NCAM2: variants seen among roughly 807,000 people sequenced by gnomAD.
NCAM2 encodes N-CAM-2.
In NCAM2, 30 loss-of-function variants were observed where a neutral mutation model predicts 98.1. The ratio of observed to expected loss-of-function variants is 0.31; its 90% confidence interval spans 0.23 to 0.41. The LOEUF (loss-of-function observed/expected upper bound fraction) is 0.41. Ranked by LOEUF, NCAM2 falls within the 10% of genes least tolerant of loss-of-function variation. The pLI is 1.00. For missense variants in NCAM2, 867 were observed against 1,005.8 expected (o/e 0.86, Z 1.87); for synonymous variants, 368 against 342.4 (o/e 1.07, Z -0.83).
chr21:21,322,652 A>G (rs184013022), intron 5 of NCAM2, among the ~76,000 whole-genome samples: 3 of 152,236 alleles, frequency 2.0e-5, no homozygotes, highest in African/African-American at 7.2e-5. Context: ...AATAAATTTG[A>G]AGGAATTAGT....
intron 9 of NCAM2, among the ~76,000 whole-genome samples, chr21:21,391,651 T>C (rs1480208391): frequency 6.6e-6 from 1 of 152,188 alleles, no homozygotes; most frequent in Admixed American, 6.5e-5. Context: ...TAACATGTCT[T>C]CTCTCTGCTT....
intron 1 of NCAM2, among the ~76,000 whole-genome samples, chr21:21,236,746 A>G (rs1295331317): frequency 1.0e-5 from 1 of 100,382 alleles, no homozygotes; most frequent in Non-Finnish European, 2.1e-5. Context: ...TCTCAGAGAA[A>G]TCAGTACATA....
chr21:21,116,059 G>A lies in NCAM2; in HGVS notation c.55+117441G>A, dbSNP rs180677265. ...TGTGTGTGTGTGTCTTTCATGAGAA[G>A]GGTTTTTTCTAAGTCACCTTGTTTG... is the stretch of plus-strand genomic sequence containing the variant. On this transcript the variant is annotated intron_variant, in intron 1 of 17. Transcript: ENST00000400546. Among the ~76,000 whole-genome samples, 241 of 149,908 alleles carry A rather than the reference G, an allele frequency of 1.6e-3. 2 individuals are homozygous for A. Among genetic ancestry groups the A allele is most frequent in the South Asian group, 8.6e-3 (41 of 4,742 alleles).
rs1051532297 is a variant in NCAM2 at position 21,154,583 on chromosome 21, T to C, written c.56-125995T>C. Among the ~76,000 whole-genome samples, 5 of 151,818 alleles carry C rather than the reference T, an allele frequency of 3.3e-5. No homozygotes were observed. In the East Asian group the frequency reaches 9.6e-4, roughly 29 times the overall value. On this transcript the variant is annotated intron_variant, in intron 1 of 17. Transcript: ENST00000400546. The stretch of plus-strand genomic sequence containing the variant: ...AAGACACAAAACGAAAACGACAACA[T>C]TTTGATTATTCTTGAAACATGAGTG...
At chr21:21,391,629 G>A (rs1408837879) in intron 9 of NCAM2, among the ~76,000 whole-genome samples, 3 of 152,102 alleles carry the variant, frequency 2.0e-5, no homozygotes, top group Admixed American at 2.0e-4. Context: ...CAAATTTACA[G>A]CTCACCAACA....
intron 5 of NCAM2, among the ~76,000 whole-genome samples, chr21:21,322,971 A>T (rs2074416571): frequency 6.6e-6 from 1 of 152,150 alleles, no homozygotes; most frequent in Non-Finnish European, 1.5e-5. Context: ...TAAAGAAAAA[A>T]TAGAAACTTT....
At position 21,538,565 on chromosome 21, in the gene NCAM2, T is replaced by C. The variant is rs1429648371; in HGVS notation, c.*608T>C. ...GTGCATTTTCAACATTGATTTTTGA[T>C]AGACTGAAGTGCCAGATCAAAATTG... is the stretch of plus-strand genomic sequence containing the variant. On this transcript the variant is annotated 3_prime_UTR_variant, in exon 18 of 18. Transcript: ENST00000400546. 17 of 152,502 alleles carry C rather than the reference T, an allele frequency of 1.1e-4. No individual in the cohort carries two copies. The highest frequency in any genetic ancestry group is 1.1e-3 in the Admixed American group (17 of 15,266). The allele number at this position is 152,502 out of a possible 1,614,324, so 9.4% of individuals were successfully genotyped here.
At chr21:21,279,402 A>AG in intron 1 of NCAM2, among the ~76,000 whole-genome samples, 1 of 152,216 alleles carries the variant, frequency 6.6e-6, no homozygotes, top group East Asian at 1.9e-4. Context: ...TCTTGTTGCC[A>AG]GGCTGGATTG....
At chr21:21,458,802 A>C (rs1358672772) in intron 12 of NCAM2, among the ~76,000 whole-genome samples, 1 of 152,204 alleles carries the variant, frequency 6.6e-6, no homozygotes, top group Non-Finnish European at 1.5e-5. Flanking sequence ...ATTATTTTGC[A>C]TATGACACCC....
At chr21:21,473,580 T>A (rs1189946725) in intron 14 of NCAM2, among the ~76,000 whole-genome samples, 2 of 150,938 alleles carry the variant, frequency 1.3e-5, no homozygotes, top group East Asian at 3.9e-4. Context: ...GACATGAGAG[T>A]CAGAAGAATC....
At chr21:21,194,077 C>G (rs1296794942) in intron 1 of NCAM2, among the ~76,000 whole-genome samples, 1 of 152,060 alleles carries the variant, frequency 6.6e-6, no homozygotes, top group Non-Finnish European at 1.5e-5. Flanking sequence ...ACACGTACAA[C>G]CTACATTTAA....
Position 21,324,374 on chromosome 21 carries a change from C to G in NCAM2, c.620-9C>G, listed in dbSNP as rs1258124435. 15 of 1,603,966 alleles carry G rather than the reference C, an allele frequency of 9.4e-6. No individual in the cohort carries two copies. The highest frequency in any genetic ancestry group is 4.3e-6 in the Non-Finnish European group (5 of 1,171,358). On this transcript the variant is annotated splice_polypyrimidine_tract_variant and intron_variant, in intron 5 of 17. Transcript: ENST00000400546. ...GTCTCTATTTATTCTGTATTCATCTCTCCTTCAGTGCCGCCAGCAATCTCA... is the reference window on the plus strand; with the variant it reads ...GTCTCTATTTATTCTGTATTCATCTGTCCTTCAGTGCCGCCAGCAATCTCA...
At chr21:21,427,393 A>G (rs1486871994) in intron 11 of NCAM2, among the ~76,000 whole-genome samples, 1 of 152,232 alleles carries the variant, frequency 6.6e-6, no homozygotes, top group Non-Finnish European at 1.5e-5. Flanking sequence ...GGAAAATAAG[A>G]AGATAGAGTT....
chr21:21,110,836 C>T (rs1187303579), intron 1 of NCAM2, among the ~76,000 whole-genome samples: 1 of 151,796 alleles, frequency 6.6e-6, no homozygotes, highest in Non-Finnish European at 1.5e-5. Flanking sequence ...GTAACTTTGG[C>T]TTTTAATTCA....
chr21:21,182,389 A>G (rs887656527), intron 1 of NCAM2, among the ~76,000 whole-genome samples: 1 of 152,156 alleles, frequency 6.6e-6, no homozygotes, highest in African/African-American at 2.4e-5. Flanking sequence ...AAATGTTTTA[A>G]TAAATGGTTA....
chr21:20,998,665 C>T (rs748512041), intron 1 of NCAM2, 47 bp downstream of exon 1: 1 of 1,575,532 alleles, frequency 6.3e-7, no homozygotes, highest in South Asian at 1.1e-5. Flanking sequence ...CCCCCTTCCA[C>T]CCGGCCAAGA....
At chr21:21,266,817 A>G (rs1203805285) in intron 1 of NCAM2, among the ~76,000 whole-genome samples, 1 of 152,140 alleles carries the variant, frequency 6.6e-6, no homozygotes, top group South Asian at 2.1e-4. Flanking sequence ...ACATGTATAC[A>G]TATGCAACAA....
intron 1 of NCAM2, among the ~76,000 whole-genome samples, chr21:21,178,077 A>G (rs1008989650): frequency 2.6e-5 from 4 of 152,176 alleles, no homozygotes; most frequent in Non-Finnish European, 5.9e-5. Flanking sequence ...TTTAAGTTGA[A>G]AGTAATTTTG....
intron 14 of NCAM2, among the ~76,000 whole-genome samples, chr21:21,469,201 TA>T (rs1984111217): frequency 6.6e-6 from 1 of 151,992 alleles, no homozygotes; most frequent in African/African-American, 2.4e-5. Flanking sequence ...TACTTATCCA[TA>T]ATGTTTAACA....
Sources: allele counts gnomAD v4.1 joint callset (sites outside exome capture counted in the v4.1 genomes callset), GRCh38; gene constraint gnomAD v4.1.1; transcripts MANE v1.5; gene names NCBI Gene and HGNC (gene_info 2026-07-23, HGNC 2026-07-21).